The following DNAH8 variants were observed in gnomAD, a reference collection of about 807,000 sequenced individuals.
The protein encoded by DNAH8 is axonemal beta dynein heavy chain 8.
Under a neutral mutation model 562.1 loss-of-function variants are expected in DNAH8, and 382 were observed. The ratio of observed to expected loss-of-function variants is 0.68; its 90% CI spans 0.63 to 0.74. The LOEUF is 0.74. DNAH8 is among the 30% of genes least tolerant of loss of function. The pLI, the probability that DNAH8 is intolerant of heterozygous loss-of-function variation, is 0.00. For synonymous variants in DNAH8, 1,881 were observed against 1,919.4 expected (o/e 0.98, Z 0.52); for missense variants, 5,203 against 5,620.4 (o/e 0.93, Z 2.37).
At chr6:38,839,897 G>A (rs938326104) in intron 33 of DNAH8, among the ~76,000 whole-genome samples, 9 of 152,150 alleles carry the variant, frequency 5.9e-5, no homozygotes, top group Non-Finnish European at 2.9e-5. Context: ...CCTGACCTCA[G>A]ATGATCTGCC....
chr6:38,879,156 T>C (rs1778259017), intron 53 of DNAH8, among the ~76,000 whole-genome samples: 1 of 152,070 alleles, frequency 6.6e-6, no homozygotes, highest in Admixed American at 6.6e-5. Flanking sequence ...CGACTAAATA[T>C]TTAAGGAAGA....
At position 38,952,665 on chromosome 6, in the gene DNAH8, C is replaced by G. The variant is rs1295602276; in HGVS notation, c.12451+1145C>G. On this transcript the variant is annotated intron_variant, in intron 82 of 92. Transcript: ENST00000327475. ...TCTGCATAAAACCAAGCTACGGTAG[C>G]ATGGTCCATGTTCATGTTCTCTTTT... 2.0e-5 allele frequency among the ~76,000 whole-genome samples: 3 copies of G among 152,324 alleles called. No individual in the cohort carries two copies. In the East Asian group the frequency reaches 5.8e-4, roughly 29 times the overall value.
In DNAH8 at chr6:38,913,864, T is replaced by C. The variant is rs745962761; in HGVS notation, c.9875T>C (p.Met3292Thr). 3 of 1,612,916 alleles carry C rather than the reference T, an allele frequency of 1.9e-6. No homozygotes were observed. The highest frequency in any genetic ancestry group is 2.5e-6 in the Non-Finnish European group (3 of 1,179,140). The change falls in exon 67 of 93, where the codon ATG (methionine) becomes ACG (threonine). Residue 3292 changes from methionine (M) to threonine (T), a missense_variant. Physicochemically the swap from Met to Thr is moderately conservative, Grantham distance 81. This residue lies in a region of DNAH8 where 977 missense variants were observed against 1,061.8 expected (regional missense o/e 0.92). Transcript: ENST00000327475. Reference sequence around the variant, plus strand: ...ATTTGTAAAGGTCTTGATAAACTAATGGAGGCAAGTGAATCTGTTGCTAAA... The same window carrying C: ...ATTTGTAAAGGTCTTGATAAACTAACGGAGGCAAGTGAATCTGTTGCTAAA... The part of the protein sequence containing the change: ...ERMNIGLDKL[M>T]EASESVAKLS...
chr6:38,910,436 G>C (rs954593740), intron 65 of DNAH8, among the ~76,000 whole-genome samples: 1 of 152,142 alleles, frequency 6.6e-6, no homozygotes, highest in Non-Finnish European at 1.5e-5. Context: ...TTTCAGTGAG[G>C]TTCCTACTTC....
chr6:38,997,862 G>A (rs1413913215), intron 88 of DNAH8, among the ~76,000 whole-genome samples: 4 of 152,164 alleles, frequency 2.6e-5, no homozygotes, highest in Non-Finnish European at 4.4e-5. Context: ...GGCTCAAGCG[G>A]TTCTCATGTC....
At chr6:38,748,567 C>G (rs916667141) in intron 8 of DNAH8, among the ~76,000 whole-genome samples, 1 of 151,974 alleles carries the variant, frequency 6.6e-6, no homozygotes, top group Non-Finnish European at 1.5e-5. Context: ...CAAGCAGGCA[C>G]TTGATTTTAT....
At chr6:38,892,798 T>C (rs578090676) in intron 58 of DNAH8, among the ~76,000 whole-genome samples, 94 of 152,300 alleles carry the variant, frequency 6.2e-4, no homozygotes, top group African/African-American at 2.1e-3. Flanking sequence ...CTCCGCTTAC[T>C]TCCCTTGCCT....
intron 53 of DNAH8, among the ~76,000 whole-genome samples, chr6:38,878,866 A>G (rs1029535786): frequency 6.6e-6 from 1 of 152,208 alleles, no homozygotes; most frequent in Non-Finnish European, 1.5e-5. Flanking sequence ...TTCAACACAA[A>G]AAAATGATAA....
In DNAH8 at chr6:38,974,417, C is replaced by T; in HGVS notation, c.12722C>T (p.Ala4241Val). 1.2e-6 allele frequency: 2 copies of T among 1,613,978 alleles called. No individual in the cohort carries two copies. Among genetic ancestry groups the T allele is most frequent in the South Asian group, 1.1e-5 (1 of 91,076 alleles). Residue 4241 changes from alanine to valine, a missense_variant, in exon 85 of 93, where the codon GCA becomes GTA. Physicochemically the swap from Ala to Val is moderately conservative, Grantham distance 64 (BLOSUM62 0). Transcript: ENST00000327475. Reference protein sequence around the residue: ...FTNEPPQGVRAGLKRTFAGIN... With the variant: ...FTNEPPQGVRVGLKRTFAGIN... Reference sequence around the variant, plus strand: ...AATGAGCCACCCCAAGGTGTACGCGCAGGTTTGAAAAGAACATTTGCTGGA... The same window carrying T: ...AATGAGCCACCCCAAGGTGTACGCGTAGGTTTGAAAAGAACATTTGCTGGA...
chr6:38,835,336 A>G (rs1774194245), intron 32 of DNAH8, among the ~76,000 whole-genome samples: 1 of 146,340 alleles, frequency 6.8e-6, no homozygotes, highest in Non-Finnish European at 1.5e-5. Context: ...AAAAAAAAAG[A>G]TCAGATGCCT....
At chr6:38,756,870 A>G (rs533866780) in intron 10 of DNAH8, among the ~76,000 whole-genome samples, 2 of 151,962 alleles carry the variant, frequency 1.3e-5, no homozygotes, top group African/African-American at 4.8e-5. Context: ...TTATGGCTGC[A>G]TAGTATTCCA....
At chr6:38,815,949 G>A (rs541084185) in intron 26 of DNAH8, among the ~76,000 whole-genome samples, 58 of 152,124 alleles carry the variant, frequency 3.8e-4, no homozygotes, top group Non-Finnish European at 7.2e-4. Flanking sequence ...ACATAAATTC[G>A]TCACTTAAGT....
chr6:38,932,130 C>T, intron 76 of DNAH8, 137 bp downstream of exon 76: 2 of 558,718 alleles, frequency 3.6e-6, no homozygotes, highest in Non-Finnish European at 5.8e-6. Flanking sequence ...ATTTCTTTTG[C>T]AGCCTTAATT....
Position 38,782,885 on chromosome 6 carries a change from C to T in DNAH8, c.2260-119C>T. ...TCCCCATCTCTGTTTTACTGTGAGGCAGAATCTAAACTGGTAGCATAATTA... is the reference window on the plus strand; with the variant it reads ...TCCCCATCTCTGTTTTACTGTGAGGTAGAATCTAAACTGGTAGCATAATTA... On this transcript the variant is annotated intron_variant, in intron 16 of 92. Coordinates refer to ENST00000327475, the MANE Select transcript of DNAH8 (RefSeq NM_001206927.2). 8 of 916,212 alleles carry T rather than the reference C, an allele frequency of 8.7e-6. No homozygotes were observed. In the South Asian group the frequency reaches 1.4e-4, roughly 16 times the overall value. The allele number at this position is 916,212 out of a possible 1,614,324, so 56.8% of individuals were successfully genotyped here.
Position 38,938,929 on chromosome 6 carries a change from TA to T in DNAH8, c.11951del (p.Lys3984ArgfsTer26). 1 of 1,613,890 alleles carries T rather than the reference TA, an allele frequency of 6.2e-7. No individual in the cohort carries two copies. The highest frequency in any genetic ancestry group is 1.1e-5 in the South Asian group (1 of 91,052). On this transcript the variant is annotated frameshift_variant, in exon 79 of 93. Transcript: ENST00000327475. LOFTEE classifies it high-confidence loss of function. ...HKFLFVLLMTLKIDLQRGTVK... is the reference protein window; with the variant it reads ...HKFLFVLLMTXKIDLQRGTVK... ...TTCCTGTTTGTACTCCTCATGACCT[TA>T]AAGATTGACCTTCAGAGAGGGACAG...
At chr6:38,815,358 C>A in intron 25 of DNAH8, 110 bp from the exon 26 acceptor site, 1 of 776,748 alleles carries the variant, frequency 1.3e-6, no homozygotes, top group Non-Finnish European at 2.1e-6. Flanking sequence ...ATCAGCCTTG[C>A]ACTGGGCCAG....
intron 82 of DNAH8, among the ~76,000 whole-genome samples, chr6:38,964,641 G>T (rs1394864950): frequency 6.6e-6 from 1 of 151,774 alleles, no homozygotes; most frequent in Non-Finnish European, 1.5e-5. Context: ...ATATAAAAAG[G>T]TATTGATTGA....
At chr6:38,874,085 T>G (rs540223822) in intron 52 of DNAH8, among the ~76,000 whole-genome samples, 5 of 127,344 alleles carry the variant, frequency 3.9e-5, no homozygotes, top group Non-Finnish European at 1.7e-5. Context: ...TCTTTCTTTC[T>G]TTCTTTCTTT....
In DNAH8 at chr6:38,872,716, G is replaced by T. The variant is rs61758417; in HGVS notation, c.7171G>T (p.Ala2391Ser). ...APQMFGRLDT[A>S]TNDWTDGIFS... is the part of the protein sequence containing the mutation. ...TCAGATGTTTGGCAGACTGGACACT[G>T]CTACCAATGACTGGACAGATGGGAT... Residue 2391 changes from alanine (A) to serine (S), a missense_variant, in exon 50 of 93, where the codon GCT (alanine) becomes TCT (serine). This residue lies in a region of DNAH8 where 2,176 missense variants were observed against 2,365.1 expected (regional missense o/e 0.92). Transcript: ENST00000327475. 17,961 of 1,614,060 alleles carry T rather than the reference G, an allele frequency of 0.011. 909 individuals are homozygous for T. The East Asian group carries it at 0.14, about 12-fold the overall frequency.
Sources: allele counts gnomAD v4.1 joint callset (sites outside exome capture counted in the v4.1 genomes callset), GRCh38; gene constraint gnomAD v4.1.1; regional missense constraint gnomAD v4.1.1; transcripts MANE v1.5; gene names NCBI Gene and HGNC (gene_info 2026-07-23, HGNC 2026-07-21).